Variants in DST observed in about 807,000 individuals in gnomAD.
DST encodes the protein dystonin.
Under a neutral mutation model 875.2 loss-of-function variants are expected in DST, and 253 were observed. That is an observed-to-expected ratio of 0.29 (90% CI 0.26 to 0.32). The LOEUF is 0.32. DST is among the 10% of genes least tolerant of loss of function. The pLI, the probability that DST is intolerant of heterozygous loss-of-function variation, is 1.00. For missense variants in DST, 8,287 were observed against 9,111.6 expected, an observed-to-expected ratio of 0.91 and a Z score of 3.68; for synonymous variants, 3,124 against 3,197.1, an observed-to-expected ratio of 0.98 and a Z score of 0.77.
chr6:56,561,039 T>C (rs1283118428), intron 57 of DST, among the ~76,000 whole-genome samples: 1 of 152,170 alleles, frequency 6.6e-6, no homozygotes, highest in Non-Finnish European at 1.5e-5. Flanking sequence ...CTGGTTAACA[T>C]CCTAGACTTA....
chr6:56,917,815 T>C (rs1295271921), intron 2 of DST, among the ~76,000 whole-genome samples: 2 of 152,230 alleles, frequency 1.3e-5, no homozygotes, highest in African/African-American at 4.8e-5. Context: ...GGGCACAAAA[T>C]AGACTCTCAA....
In DST at chr6:56,515,544, C is replaced by A; in HGVS notation, c.18482G>T (p.Trp6161Leu). The change falls in exon 72 of 104, where the codon TGG becomes TTG. Residue 6161 changes from tryptophan (W) to leucine (L), a missense_variant. Transcript: ENST00000680361. ...NQFWETYEELWPWLTETQSII... is the reference protein window; with the variant it reads ...NQFWETYEELLPWLTETQSII... Reference sequence around the variant, plus strand: ...TGATTGTGTTTCTGTCAGCCATGGCCAAAGTTCTTCATATGTTTCCCAGAA... The same window carrying A: ...TGATTGTGTTTCTGTCAGCCATGGCAAAAGTTCTTCATATGTTTCCCAGAA... 6.2e-7 allele frequency: 1 copy of A among 1,613,892 alleles called. No homozygotes were observed.
intron 13 of DST, among the ~76,000 whole-genome samples, chr6:56,648,282 C>T (rs1405399307): frequency 1.3e-5 from 2 of 151,998 alleles, no homozygotes; most frequent in Non-Finnish European, 2.9e-5. Flanking sequence ...AAGCATTTCC[C>T]ATGTACTAAA....
At position 56,510,311 on chromosome 6, in the gene DST, C is replaced by T. The variant is rs561372176; in HGVS notation, c.18781-438G>A. On this transcript the variant is annotated intron_variant, in intron 73 of 103. Coordinates refer to ENST00000680361, the MANE Select transcript of DST (RefSeq NM_001374736.1). ...CATTTTTAATGAACTATTATGGCAT[C>T]CTGAAAAGTTATATTATTTAATGTG... Among the ~76,000 whole-genome samples the T allele has an allele frequency of 2.2e-4, 34 of 152,104 alleles. 1 individual carries two copies. In the South Asian group the frequency reaches 7.1e-3, roughly 32 times the overall value.
rs933006681 is a variant in DST, at chr6:56,502,815, T to G, written c.19567-1122A>C. Among the ~76,000 whole-genome samples, 3 of 152,140 alleles carry G rather than the reference T, an allele frequency of 2.0e-5. No homozygotes were observed. In the East Asian group the frequency reaches 5.8e-4, roughly 29 times the overall value. ...AAATATTCTATGTCACACTTAGATA[T>G]GAAAATGCTACAATTTTAAAGCCAG... On this transcript the variant is annotated intron_variant, in intron 78 of 103. Coordinates refer to ENST00000680361, the MANE Select transcript of DST (RefSeq NM_001374736.1).
chr6:56,648,644 G>A lies in DST; in HGVS notation c.1480C>T (p.Leu494Phe). ...ACATGGTGTCTAATCCATTGGATGA[G>A]GTAGTTCACCATATTCTGGTATTCA... ...WIEYQNMVNYLIQWIRHHVTT... is the reference protein window; with the variant it reads ...WIEYQNMVNYFIQWIRHHVTT... Residue 494 changes from leucine to phenylalanine, a missense_variant, in exon 13 of 104, where the codon CTC becomes TTC. Leu to Phe is a conservative substitution (Grantham distance 22, BLOSUM62 0). Transcript: ENST00000680361. 6.3e-7 allele frequency: 1 copy of A among 1,587,516 alleles called. No individual in the cohort carries two copies. The highest frequency in any genetic ancestry group is 8.6e-7 in the Non-Finnish European group (1 of 1,164,362).
chr6:56,634,834 C>A lies in DST; in HGVS notation c.3306G>T (p.Pro1102=), dbSNP rs766166298. ...NSDCPLKTSI[P]IKAICDYRQI... is the part of the protein sequence containing the mutation. ...GTCTGTAGTCACAGATAGCTTTGAT[C>A]GGAATAGAAGTTTTGAGTGGACAGT... The change falls in exon 25 of 104, where the codon CCG becomes CCT. Residue 1102 remains proline, a synonymous_variant. Coordinates refer to ENST00000680361, the MANE Select transcript of DST (RefSeq NM_001374736.1). 1.2e-6 allele frequency: 2 copies of A among 1,613,998 alleles called. No homozygotes were observed. Among genetic ancestry groups the A allele is most frequent in the Non-Finnish European group, 1.7e-6 (2 of 1,179,984 alleles).
chr6:56,927,930 A>C (rs1808053534), intron 2 of DST, among the ~76,000 whole-genome samples: 1 of 152,198 alleles, frequency 6.6e-6, no homozygotes, highest in Non-Finnish European at 1.5e-5. Flanking sequence ...GGGGTTCCAA[A>C]GGATGAGATT....
At chr6:56,851,750 A>T in intron 3 of DST, 146 bp from the exon 4 acceptor site, 1 of 1,551,730 alleles carries the variant, frequency 6.4e-7, no homozygotes, top group South Asian at 1.2e-5. Context: ...GAGCTGAGGG[A>T]ATATGCAGAA....
rs148368712 is a variant in DST, at chr6:56,526,385, A to G, written c.18105T>C (p.Asp6035=). The change falls in exon 69 of 104, where the codon GAT becomes GAC. Residue 6035 remains aspartate, a synonymous_variant. Coordinates refer to ENST00000680361, the MANE Select transcript of DST (RefSeq NM_001374736.1). Reference sequence around the variant, plus strand: ...CCTGCTGTGATCGCAGAATGGCTGCATCGATCTCCTCCACCTTCTGAGTGA... The same window carrying G: ...CCTGCTGTGATCGCAGAATGGCTGCGTCGATCTCCTCCACCTTCTGAGTGA... ...DTITQKVEEI[D]AAILRSQQFD... The G allele has an allele frequency of 3.3e-3, 5,290 of 1,613,806 alleles. 136 individuals are homozygous for G. The African/African-American group carries it at 0.06, about 18-fold the overall frequency.
At chr6:56,869,235 T>G (rs1208367086) in intron 3 of DST, among the ~76,000 whole-genome samples, 1 of 152,178 alleles carries the variant, frequency 6.6e-6, no homozygotes, top group African/African-American at 2.4e-5. Context: ...CTAACAAACC[T>G]TCCTGCTGTA....
At chr6:56,668,305 A>C (rs935113475) in intron 10 of DST, among the ~76,000 whole-genome samples, 1 of 152,214 alleles carries the variant, frequency 6.6e-6, no homozygotes, top group Non-Finnish European at 1.5e-5. Context: ...CCTTCACTCA[A>C]GAAGATCTGG....
chr6:56,677,819 C>T (rs1178841870), intron 9 of DST, among the ~76,000 whole-genome samples: 1 of 152,180 alleles, frequency 6.6e-6, no homozygotes, highest in Non-Finnish European at 1.5e-5. Flanking sequence ...TTGATCTGGG[C>T]TTTATCTCTC....
chr6:56,836,415 C>A (rs1273891991), intron 4 of DST, among the ~76,000 whole-genome samples: 1 of 152,122 alleles, frequency 6.6e-6, no homozygotes, highest in Non-Finnish European at 1.5e-5. Flanking sequence ...ATGGTAGTTA[C>A]TGTTTTGCAA....
chr6:56,512,852 G>A (rs2096505252), intron 72 of DST, among the ~76,000 whole-genome samples: 1 of 152,196 alleles, frequency 6.6e-6, no homozygotes, highest in Admixed American at 6.5e-5. Context: ...AGAAGGAAGA[G>A]TCTAATATAG....
At chr6:56,477,724 G>T (rs2152412671) in intron 90 of DST, among the ~76,000 whole-genome samples, 1 of 152,230 alleles carries the variant, frequency 6.6e-6, no homozygotes, top group Non-Finnish European at 1.5e-5. Context: ...AAGGGGAGTT[G>T]GTTCCAGGAT....
intron 3 of DST, among the ~76,000 whole-genome samples, chr6:56,882,228 A>G (rs1782574317): frequency 6.6e-6 from 1 of 152,172 alleles, no homozygotes; most frequent in African/African-American, 2.4e-5. Flanking sequence ...AAAAATAATT[A>G]TTTTCCTGTG....
intron 5 of DST, among the ~76,000 whole-genome samples, chr6:56,731,190 CAG>C (rs145546099): frequency 0.018 from 2,684 of 152,256 alleles, 80 homozygotes; most frequent in African/African-American, 0.06. Context: ...TGAGACTAAA[CAG>C]AGTTTAGTGT....
intron 5 of DST, among the ~76,000 whole-genome samples, chr6:56,709,660 A>G (rs1251443845): frequency 6.6e-6 from 1 of 152,218 alleles, no homozygotes; most frequent in African/African-American, 2.4e-5. Flanking sequence ...CATCCGTCAT[A>G]TGCCAGGGTA....
Sources: allele counts gnomAD v4.1 joint callset (sites outside exome capture counted in the v4.1 genomes callset), GRCh38; gene constraint gnomAD v4.1.1; transcripts MANE v1.5; gene names NCBI Gene and HGNC (gene_info 2026-07-23, HGNC 2026-07-21).